Variants in SLC14A2 observed in about 807,000 individuals in gnomAD.
SLC14A2 encodes solute carrier family 14 member 2.
Under a neutral mutation model 104.6 loss-of-function variants are expected in SLC14A2, and 91 were observed. The ratio of observed to expected loss-of-function variants is 0.87; its 90% CI spans 0.73 to 1.04. The LOEUF (loss-of-function observed/expected upper bound fraction) is 1.04, where lower values mean the gene tolerates loss of function less well. SLC14A2 is among the 50% of genes least tolerant of loss of function. SLC14A2 has a pLI of 0.00. For missense variants in SLC14A2, 1,189 were observed against 1,156.0 expected (o/e 1.03, Z -0.41); for synonymous variants, 476 against 466.4 (o/e 1.02, Z -0.27).
chr18:45,678,503 C>T (rs1024832328), intron 18 of SLC14A2, among the ~76,000 whole-genome samples: 1 of 152,012 alleles, frequency 6.6e-6, no homozygotes, highest in Non-Finnish European at 1.5e-5. Flanking sequence ...CCTCGTCATG[C>T]CTTCTGCAGA....
chr18:45,374,698 T>C (rs1463146904), intron 1 of SLC14A2, among the ~76,000 whole-genome samples: 1 of 152,218 alleles, frequency 6.6e-6, no homozygotes, highest in African/African-American at 2.4e-5. Context: ...TGTGGGATTA[T>C]TTTACTTTGT....
At chr18:45,656,140 C>T (rs1318572) in intron 10 of SLC14A2, among the ~76,000 whole-genome samples, 114,398 of 152,218 alleles carry the variant, frequency 0.75, 43,917 homozygotes, top group Non-Finnish European at 0.83. Flanking sequence ...AACTCCACTG[C>T]GGCCTCAACT....
intron 1 of SLC14A2, among the ~76,000 whole-genome samples, chr18:45,395,443 T>C (rs1175448860): frequency 2.0e-5 from 3 of 152,176 alleles, no homozygotes; most frequent in Non-Finnish European, 2.9e-5. Context: ...ATATCAGTCA[T>C]GCAAGATGAA....
At position 45,487,881 on chromosome 18, in the gene SLC14A2, G is replaced by C. The variant is rs200977114; in HGVS notation, c.-35+4559G>C. Among the ~76,000 whole-genome samples, 160 of 152,286 alleles carry C rather than the reference G, an allele frequency of 1.1e-3. 2 individuals carry two copies. Among genetic ancestry groups the C allele is most frequent in the East Asian group, 3.9e-3 (20 of 5,190 alleles). The stretch of plus-strand genomic sequence containing the variant: ...GTATGTGTGTTGGGGAGAATTGCTG[G>C]TGTAACTAAGTCAGCTTTCTTCTCC... On this transcript the variant is annotated intron_variant, in intron 2 of 20. Coordinates refer to the SLC14A2 transcript ENST00000586448.
intron 1 of SLC14A2, among the ~76,000 whole-genome samples, chr18:45,302,546 T>C (rs548111106): frequency 3.3e-5 from 5 of 152,344 alleles, no homozygotes; most frequent in African/African-American, 7.2e-5. Flanking sequence ...CTTTCCACAA[T>C]GTCTGCCCTC....
At chr18:45,679,813 C>T (rs377640375) in intron 19 of SLC14A2, among the ~76,000 whole-genome samples, 4 of 152,260 alleles carry the variant, frequency 2.6e-5, no homozygotes, top group African/African-American at 2.4e-5. Context: ...GATACTATCC[C>T]GTCTTCCCCA....
At chr18:45,441,448 T>A (rs1297302862) in intron 1 of SLC14A2, among the ~76,000 whole-genome samples, 1 of 152,196 alleles carries the variant, frequency 6.6e-6, no homozygotes, top group Non-Finnish European at 1.5e-5. Context: ...AGGACCGCCA[T>A]GGATCTTGGC....
chr18:45,469,670 G>C (rs986067512), intron 1 of SLC14A2, among the ~76,000 whole-genome samples: 2 of 152,220 alleles, frequency 1.3e-5, no homozygotes, highest in Admixed American at 6.5e-5. Flanking sequence ...AGGCTCCCCA[G>C]AGGAAGTGAC....
chr18:45,665,266 G>A (rs1053337223), intron 11 of SLC14A2, among the ~76,000 whole-genome samples: 1 of 152,142 alleles, frequency 6.6e-6, no homozygotes, highest in African/African-American at 2.4e-5. Context: ...GGTAGTCAGA[G>A]CCCAGCCTGC....
At chr18:45,680,965 G>A (rs1351986023) in intron 19 of SLC14A2, among the ~76,000 whole-genome samples, 4 of 151,802 alleles carry the variant, frequency 2.6e-5, no homozygotes, top group Non-Finnish European at 5.9e-5. Context: ...TGTCTTTGTT[G>A]TTCCCCAAGA....
intron 1 of SLC14A2, among the ~76,000 whole-genome samples, chr18:45,411,892 C>G (rs996901609): frequency 9.2e-5 from 14 of 152,086 alleles, no homozygotes; most frequent in African/African-American, 3.1e-4. Flanking sequence ...TCAGTATCAG[C>G]CAGTATCCTG....
chr18:45,209,041 ACAAC>A (rs1175716264), upstream of SLC14A2, among the ~76,000 whole-genome samples: 2 of 148,080 alleles, frequency 1.4e-5, no homozygotes, highest in South Asian at 2.1e-4. Context: ...AAAAAAAAAA[ACAAC>A]AACAACTGTG....
At chr18:45,274,684 A>G (rs1202158466) in intron 1 of SLC14A2, among the ~76,000 whole-genome samples, 5 of 152,282 alleles carry the variant, frequency 3.3e-5, no homozygotes, top group African/African-American at 4.8e-5. Context: ...ATTTACAGCA[A>G]TATCCTCAGA....
chr18:45,347,953 T>C (rs2085465762), intron 1 of SLC14A2, among the ~76,000 whole-genome samples: 1 of 152,232 alleles, frequency 6.6e-6, no homozygotes, highest in South Asian at 2.1e-4. Flanking sequence ...CACACATCTG[T>C]GAGCTCCCGA....
chr18:45,663,874 A>G lies in SLC14A2; in HGVS notation c.1441A>G (p.Ile481Val), dbSNP rs751811214. The change falls in exon 11 of 20, where the codon ATC becomes GTC. Residue 481 changes from isoleucine (I) to valine (V), a missense_variant. Coordinates refer to ENST00000255226, the MANE Select transcript of SLC14A2 (RefSeq NM_007163.4). ...CTCCAAGCACAGGAGTGTATTTCAC[A>G]TCGAGTGGTCATCCATTCGGAGGAG... ...VLSKHRSVFH[I>V]EWSSIRRRSK... 80 of 1,613,340 alleles carry G rather than the reference A, an allele frequency of 5.0e-5. No individual in the cohort carries two copies. The highest frequency in any genetic ancestry group is 6.6e-5 in the Non-Finnish European group (78 of 1,179,874).
In SLC14A2 at chr18:45,285,144, G is replaced by C. The variant is rs576844775; in HGVS notation, c.-125+71953G>C. On this transcript the variant is annotated intron_variant, in intron 1 of 20. Transcript: ENST00000586448. ...GTTCCTCAGAAGGTTTATTTTAAAT[G>C]TGGAGGGTGATACATTCTATTGGTA... Among the ~76,000 whole-genome samples, 7 of 152,270 alleles carry C rather than the reference G, an allele frequency of 4.6e-5. No homozygotes were observed. The South Asian group carries it at 1.5e-3, about 32-fold the overall frequency.
At chr18:45,552,680 C>T (rs2044073090) in intron 2 of SLC14A2, among the ~76,000 whole-genome samples, 1 of 152,118 alleles carries the variant, frequency 6.6e-6, no homozygotes, top group Admixed American at 6.5e-5. Context: ...CAAAGAGGAG[C>T]AGAGACCTGG....
chr18:45,198,172 CA>C, the SLC14A2 span, among the ~76,000 whole-genome samples: 18 of 152,174 alleles, frequency 1.2e-4, no homozygotes, highest in East Asian at 3.3e-3. Context: ...TAATCCTGTC[CA>C]AATATATTTT....
chr18:45,186,235 T>C, the SLC14A2 span, among the ~76,000 whole-genome samples: 1 of 152,158 alleles, frequency 6.6e-6, no homozygotes, highest in Non-Finnish European at 1.5e-5. Context: ...AAATCTGTAA[T>C]AATAAAGACT....
Sources: allele counts gnomAD v4.1 joint callset (sites outside exome capture counted in the v4.1 genomes callset), GRCh38; gene constraint gnomAD v4.1.1; transcripts MANE v1.5; gene names NCBI Gene and HGNC (gene_info 2026-07-23, HGNC 2026-07-21).